DMD: variants seen among roughly 807,000 people sequenced by gnomAD.
The protein encoded by DMD is mutant dystrophin.
DMD carries 63 observed loss-of-function variants against 330.1 expected under a neutral mutation model. The observed-to-expected ratio is 0.19, with a 90% CI of 0.16 to 0.24. The LOEUF (loss-of-function observed/expected upper bound fraction) is 0.24. Ranked by LOEUF, DMD falls within the 10% of genes least tolerant of loss-of-function variation. The pLI, the probability that DMD is intolerant of heterozygous loss-of-function variation, is 1.00. For synonymous variants in DMD, 1,223 were observed against 959.8 expected, an observed-to-expected ratio of 1.27 and a Z score of -5.07; for missense variants, 3,344 against 2,684.1, an observed-to-expected ratio of 1.25 and a Z score of -5.43.
intron 51 of DMD, among the ~76,000 whole-genome samples, chrX:31,765,842 A>G (rs2089958276): frequency 1.8e-5 from 2 of 111,238 alleles, no homozygotes; most frequent in African/African-American, 6.5e-5. Context: ...TCCTTTCTTA[A>G]TAGTCTTCAA....
intron 59 of DMD, among the ~76,000 whole-genome samples, chrX:31,454,845 T>C (rs2066034438): frequency 9.0e-6 from 1 of 110,941 alleles, no homozygotes. Flanking sequence ...CTCAAACTCC[T>C]GGGCTCAAGC....
intron 44 of DMD, among the ~76,000 whole-genome samples, chrX:31,993,982 G>A (rs1379001337): frequency 9.0e-6 from 1 of 111,376 alleles, no homozygotes; most frequent in Non-Finnish European, 1.9e-5. Flanking sequence ...CCCAGCCTCT[G>A]TAAATAATGC....
intron 11 of DMD, among the ~76,000 whole-genome samples, chrX:32,615,801 T>C (rs181822067): frequency 1.8e-5 from 2 of 111,648 alleles, no homozygotes; most frequent in East Asian, 5.6e-4. Context: ...CAGTCTCCCG[T>C]TTTATTAACA....
chrX:33,190,877 ATAATATATAATAT>A (rs2050518295), intron 1 of DMD, among the ~76,000 whole-genome samples: 24 of 1,403 alleles, frequency 0.017, 2 homozygotes, highest in African/African-American at 0.063. Context: ...ATATATATAT[ATAATATATAATAT>A]TATATATTAT....
intron 63 of DMD, among the ~76,000 whole-genome samples, chrX:31,253,616 T>C (rs934414927): frequency 7.2e-5 from 8 of 111,854 alleles, no homozygotes; most frequent in Non-Finnish European, 1.5e-4. Context: ...TGTTTTTAAC[T>C]CTCTTGCAAA....
intron 9 of DMD, among the ~76,000 whole-genome samples, chrX:32,672,593 A>T (rs898875147): frequency 9.0e-6 from 1 of 110,863 alleles, no homozygotes; most frequent in African/African-American, 3.3e-5. Flanking sequence ...TGCCAGGGAC[A>T]TAGAACAAAA....
rs1209563607 is a variant in DMD, at chrX:31,531,956, G to A, written c.8218-24503C>T. ...GAGAAAAAAGAATAAAAAGAAATGAGCAAAGCCTCCAAGAAATATGGGACT... is the reference window on the plus strand; with the variant it reads ...GAGAAAAAAGAATAAAAAGAAATGAACAAAGCCTCCAAGAAATATGGGACT... On this transcript the variant is annotated intron_variant, in intron 55 of 78. Coordinates refer to ENST00000357033, the MANE Select transcript of DMD (RefSeq NM_004006.3). Among the ~76,000 whole-genome samples, 8 of 83,851 alleles carry A rather than the reference G, an allele frequency of 9.5e-5. 1 individual carries two copies. The highest frequency in any genetic ancestry group is 2.4e-4 in the African/African-American group (5 of 21,047). The allele number at this position is 83,851 out of a possible 115,157, so 72.8% of individuals were successfully genotyped here. A position where few individuals can be genotyped will look rare whatever the true frequency, so the allele number is the denominator to read the frequency against.
intron 44 of DMD, among the ~76,000 whole-genome samples, chrX:32,196,842 G>C (rs182143348): frequency 8.3e-5 from 9 of 108,773 alleles, no homozygotes; most frequent in South Asian, 8.1e-4. Flanking sequence ...AAAAATTAGC[G>C]GGGCGTGGTA....
chrX:31,970,868 A>T (rs2095393167), intron 44 of DMD, among the ~76,000 whole-genome samples: 1 of 111,702 alleles, frequency 9.0e-6, no homozygotes, highest in South Asian at 3.7e-4. Flanking sequence ...TGGGAAAAAA[A>T]TTTTGCCTAA....
intron 4 of DMD, among the ~76,000 whole-genome samples, chrX:32,840,066 T>G (rs1232743777): frequency 8.9e-6 from 1 of 112,162 alleles, no homozygotes; most frequent in Non-Finnish European, 1.9e-5. Flanking sequence ...AGGTAAAGGT[T>G]CCTTTGTTCC....
In DMD at chrX:33,057,400, C is replaced by CT. The variant is rs1194062675; in HGVS notation, c.32-37201dup. 1.7e-3 allele frequency among the ~76,000 whole-genome samples: 186 copies of CT among 110,355 alleles called. 1 individual carries two copies. The highest frequency in any genetic ancestry group is 5.2e-3 in the African/African-American group (158 of 30,492). On this transcript the variant is annotated intron_variant, in intron 1 of 78. Coordinates refer to ENST00000357033, the MANE Select transcript of DMD (RefSeq NM_004006.3). Reference sequence around the variant, plus strand: ...TAATTTGAATTAAATGGTAACTAATCTTTTTTTTTGTAGGAGCTTGGGCTA... The same window carrying CT: ...TAATTTGAATTAAATGGTAACTAATCTTTTTTTTTTGTAGGAGCTTGGGCTA...
At chrX:32,006,570 T>A (rs1022338229) in intron 44 of DMD, among the ~76,000 whole-genome samples, 1 of 111,727 alleles carries the variant, frequency 9.0e-6, no homozygotes, top group Non-Finnish European at 1.9e-5. Context: ...CACTAATTTA[T>A]CAGAAGCCTT....
intron 51 of DMD, among the ~76,000 whole-genome samples, chrX:31,773,636 G>A (rs1469566211): frequency 5.5e-5 from 6 of 109,185 alleles, no homozygotes; most frequent in Non-Finnish European, 1.1e-4. Context: ...TAGCTCAGTT[G>A]AGTGACTTAT....
chrX:31,197,931 G>C (rs1310974163), intron 67 of DMD, among the ~76,000 whole-genome samples: 1 of 107,354 alleles, frequency 9.3e-6, no homozygotes, highest in Non-Finnish European at 1.9e-5. Context: ...CCCATTATTT[G>C]CAGCAACATG....
At chrX:32,757,950 G>A (rs1443141133) in intron 7 of DMD, among the ~76,000 whole-genome samples, 1 of 111,320 alleles carries the variant, frequency 9.0e-6, no homozygotes, top group Non-Finnish European at 1.9e-5. Context: ...CTAGCAACAG[G>A]AGGAGGAGGA....
chrX:32,364,764 G>T (rs2097848617), intron 35 of DMD, 54 bp from the exon 36 acceptor site: 6 of 1,150,016 alleles, frequency 5.2e-6, no homozygotes, highest in Non-Finnish European at 5.9e-6. Flanking sequence ...TATTCTTAAA[G>T]AATTTTTCCT....
intron 7 of DMD, among the ~76,000 whole-genome samples, chrX:32,794,399 C>T (rs191624098): frequency 9.0e-6 from 1 of 111,133 alleles, no homozygotes; most frequent in Admixed American, 9.6e-5. Context: ...ATCATCCTGG[C>T]TAACACGGTG....
chrX:32,667,439 G>A (rs895811547), intron 9 of DMD, among the ~76,000 whole-genome samples: 5 of 111,956 alleles, frequency 4.5e-5, no homozygotes, highest in African/African-American at 1.6e-4. Context: ...AGTGCTGTGT[G>A]ACACGATAAA....
chrX:31,169,634 C>T (rs1185675852), intron 73 of DMD, 33 bp from the exon 74 acceptor site: 1 of 1,163,612 alleles, frequency 8.6e-7, no homozygotes, highest in African/African-American at 1.8e-5. Context: ...TTGGTTTTTT[C>T]CCCCCCTTAT....
Sources: allele counts gnomAD v4.1 joint callset (sites outside exome capture counted in the v4.1 genomes callset), GRCh38; gene constraint gnomAD v4.1.1; transcripts MANE v1.5; gene names NCBI Gene and HGNC (gene_info 2026-07-23, HGNC 2026-07-21).